The following ZCCHC14 variants were observed in gnomAD, a reference collection of about 807,000 sequenced individuals.
ZCCHC14 encodes the protein zinc finger CCHC-type containing 14.
In ZCCHC14, 16 loss-of-function variants were observed where a neutral mutation model predicts 85.0. The observed-to-expected ratio is 0.19, with a 90% CI of 0.13 to 0.29. ZCCHC14 has a LOEUF of 0.29. Ranked by LOEUF, ZCCHC14 falls within the 10% of genes least tolerant of loss-of-function variation. ZCCHC14 has a pLI of 1.00. For missense variants in ZCCHC14, 1,303 were observed against 1,443.5 expected, an observed-to-expected ratio of 0.90 and a Z score of 1.58; for synonymous variants, 775 against 630.7, an observed-to-expected ratio of 1.23 and a Z score of -3.43.
chr16:87,454,506 T>C (rs530924296), intron 2 of ZCCHC14, among the ~76,000 whole-genome samples: 1 of 152,068 alleles, frequency 6.6e-6, no homozygotes, highest in Non-Finnish European at 1.5e-5. Context: ...AAACAAAAAC[T>C]CTCAATGAAG....
intron 1 of ZCCHC14, chr16:87,473,277 A>G (rs1911856443): frequency 6.6e-6 from 1 of 150,764 alleles, no homozygotes; most frequent in South Asian, 2.1e-4. Context: ...ATCTCAGCTC[A>G]CTGCAACCTC....
chr16:87,468,650 T>A (rs1415610400), intron 1 of ZCCHC14, among the ~76,000 whole-genome samples: 1 of 152,228 alleles, frequency 6.6e-6, no homozygotes, highest in Non-Finnish European at 1.5e-5. Context: ...TAAAGTCTTA[T>A]TATTCCCTAA....
Position 87,412,394 on chromosome 16 carries a change from A to G in ZCCHC14, c.2327T>C (p.Leu776Pro), listed in dbSNP as rs750693065. 6.2e-7 allele frequency: 1 copy of G among 1,614,230 alleles called. No individual in the cohort carries two copies. Among genetic ancestry groups the G allele is most frequent in the South Asian group, 1.1e-5 (1 of 91,092 alleles). Reference sequence around the variant, plus strand: ...AGCAGGAACAGATGACGACAGCAGCAGTTTGATGGGCGGACGGGCGGCGTG... The same window carrying G: ...AGCAGGAACAGATGACGACAGCAGCGGTTTGATGGGCGGACGGGCGGCGTG... ...VLHAARPPIK[L>P]LLSSSVPADS... The change falls in exon 12 of 13, where the codon CTG (leucine) becomes CCG (proline). Residue 776 changes from leucine (L) to proline (P), a missense_variant. Leu to Pro is a moderately conservative substitution (Grantham distance 98). Transcript: ENST00000671377.
At position 87,460,183 on chromosome 16, in the gene ZCCHC14, G is replaced by A. The variant is rs570265273; in HGVS notation, c.571-52C>T. 5 of 1,577,080 alleles carry A rather than the reference G, an allele frequency of 3.2e-6. No homozygotes were observed. In the African/African-American group the frequency reaches 5.4e-5, roughly 17 times the overall value. On this transcript the variant is annotated intron_variant, in intron 1 of 12. Coordinates refer to ENST00000671377, the MANE Select transcript of ZCCHC14 (RefSeq NM_015144.3). ...TATTTTCTCCCACGGAGTTAATAGGGGACAATTTTATTTGTTAATTAAGTC... is the reference window on the plus strand; with the variant it reads ...TATTTTCTCCCACGGAGTTAATAGGAGACAATTTTATTTGTTAATTAAGTC...
chr16:87,425,867 C>G (rs763089327), intron 3 of ZCCHC14, among the ~76,000 whole-genome samples: 2 of 152,194 alleles, frequency 1.3e-5, no homozygotes, highest in African/African-American at 4.8e-5. Context: ...TTTCCTACTG[C>G]GCCCTAACCC....
At chr16:87,423,698 G>T in intron 4 of ZCCHC14, 112 bp downstream of exon 4, 1 of 1,230,156 alleles carries the variant, frequency 8.1e-7, no homozygotes, top group South Asian at 1.4e-5. Flanking sequence ...CCCGCCCTGC[G>T]CACGCTCACT....
intron 2 of ZCCHC14, among the ~76,000 whole-genome samples, chr16:87,441,222 G>C (rs1370836289): frequency 6.6e-6 from 1 of 151,296 alleles, no homozygotes; most frequent in African/African-American, 2.4e-5. Flanking sequence ...TCGATCTCCC[G>C]ACCTCGTGAT....
At chr16:87,456,648 G>C (rs1415001098) in intron 2 of ZCCHC14, among the ~76,000 whole-genome samples, 2 of 150,058 alleles carry the variant, frequency 1.3e-5, no homozygotes, top group Non-Finnish European at 3.0e-5. Flanking sequence ...TTGGTCTTTA[G>C]CTCTCTTCAG....
chr16:87,441,186 G>C (rs200555167), intron 2 of ZCCHC14, among the ~76,000 whole-genome samples: 1 of 151,736 alleles, frequency 6.6e-6, no homozygotes, highest in Non-Finnish European at 1.5e-5. Context: ...TAGACACTGG[G>C]TTTCACCGTG....
rs769194539 is a variant in ZCCHC14, at chr16:87,412,003, A to ATGGTGG, written c.2712_2717dup (p.His905_His906dup). The ATGGTGG allele has an allele frequency of 5.0e-6, 8 of 1,609,188 alleles. No homozygotes were observed. Among genetic ancestry groups the ATGGTGG allele is most frequent in the Admixed American group, 1.7e-5 (1 of 59,956 alleles). On this transcript the variant is annotated inframe_insertion, in exon 12 of 13. Coordinates refer to ENST00000671377, the MANE Select transcript of ZCCHC14 (RefSeq NM_015144.3). Reference sequence around the variant, plus strand: ...GCTGCGGGGGTGCCGGGGGCTGCTGATGGTGGTGGTGGTGGTGGTGGTTCG... The same window carrying ATGGTGG: ...GCTGCGGGGGTGCCGGGGGCTGCTGATGGTGGTGGTGGTGGTGGTGGTGGTGGTTCG...
intron 1 of ZCCHC14, among the ~76,000 whole-genome samples, chr16:87,476,095 C>T (rs879399305): frequency 1.3e-5 from 2 of 152,172 alleles, no homozygotes; most frequent in African/African-American, 2.4e-5. Context: ...AAGAAAGCTG[C>T]CAACAAAGGA....
intron 8 of ZCCHC14, 94 bp downstream of exon 8, chr16:87,417,366 C>T: frequency 6.5e-7 from 1 of 1,531,096 alleles, no homozygotes; most frequent in South Asian, 1.3e-5. Flanking sequence ...CGTACTTCAT[C>T]CACCTTGTGT....
intron 1 of ZCCHC14, among the ~76,000 whole-genome samples, chr16:87,488,118 T>A (rs1486678526): frequency 6.6e-6 from 1 of 152,176 alleles, no homozygotes; most frequent in Non-Finnish European, 1.5e-5. Context: ...GTATATATAG[T>A]ATATGAATTC....
chr16:87,488,815 C>G (rs1190713957), intron 1 of ZCCHC14, among the ~76,000 whole-genome samples: 2 of 152,180 alleles, frequency 1.3e-5, no homozygotes, highest in African/African-American at 4.8e-5. Context: ...TGGGCTCAAG[C>G]GATCTGCCCA....
intron 1 of ZCCHC14, chr16:87,467,152 T>C (rs1289420978): frequency 4.3e-6 from 5 of 1,169,290 alleles, no homozygotes; most frequent in South Asian, 1.3e-5. Flanking sequence ...GACCTGTTGA[T>C]AGATGAAAAC....
Position 87,491,153 on chromosome 16 carries a change from G to A in ZCCHC14, c.570+516C>T, listed in dbSNP as rs1388390504. Reference sequence around the variant, plus strand: ...CCTTATCGCGTTTGCAGCCGGCTAAGTGAAAGGAGGGCACCTGGGACTGTG... The same window carrying A: ...CCTTATCGCGTTTGCAGCCGGCTAAATGAAAGGAGGGCACCTGGGACTGTG... On this transcript the variant is annotated intron_variant, in intron 1 of 12. Transcript: ENST00000671377. This position sits in a 1 kb window ranked among gnomAD's most constrained non-coding sequence, Gnocchi z 5.9. Among the ~76,000 whole-genome samples, 5 of 152,270 alleles carry A rather than the reference G, an allele frequency of 3.3e-5. No homozygotes were observed. The highest frequency in any genetic ancestry group is 1.2e-4 in the African/African-American group (5 of 41,480).
chr16:87,465,486 G>A (rs1443871226), intron 1 of ZCCHC14, among the ~76,000 whole-genome samples: 1 of 152,188 alleles, frequency 6.6e-6, no homozygotes. Context: ...GTAGTCACGG[G>A]GCACACCCGC....
chr16:87,431,109 A>C (rs1909634127), intron 3 of ZCCHC14, among the ~76,000 whole-genome samples: 1 of 152,030 alleles, frequency 6.6e-6, no homozygotes, highest in East Asian at 1.9e-4. Flanking sequence ...ACTGCACTCC[A>C]GCCTGGTGAC....
intron 1 of ZCCHC14, among the ~76,000 whole-genome samples, chr16:87,463,770 CTGAGA>C: frequency 6.6e-6 from 1 of 152,254 alleles, no homozygotes; most frequent in Admixed American, 6.5e-5. Flanking sequence ...TTGCAGTGAG[CTGAGA>C]TTACACCATA....
Sources: gnomAD v4.1 joint callset for allele counts (sites outside exome capture counted in the v4.1 genomes callset) on GRCh38, gnomAD v4.1.1 for gene constraint, Gnocchi (gnomAD v3.1) non-coding constraint, MANE v1.5 for transcripts, NCBI Gene and HGNC (gene_info 2026-07-23, HGNC 2026-07-21) for gene names.